The following TMEM245 variants were observed in gnomAD, a reference collection of about 807,000 sequenced individuals.
TMEM245 encodes the protein transmembrane protein 245.
TMEM245 carries 69 observed loss-of-function variants against 101.2 expected under a neutral mutation model. The observed-to-expected ratio is 0.68, with a 90% CI of 0.56 to 0.83. The LOEUF (loss-of-function observed/expected upper bound fraction) is 0.83, where lower values mean the gene tolerates loss of function less well. TMEM245 is among the 40% of genes least tolerant of loss of function. The pLI, the probability that TMEM245 is intolerant of heterozygous loss-of-function variation, is 0.00. For missense variants in TMEM245, 1,075 were observed against 1,092.8 expected (o/e 0.98, Z 0.23); for synonymous variants, 537 against 449.8 (o/e 1.19, Z -2.45).
chr9:109,027,354 T>C (rs757082360), intron 17 of TMEM245, among the ~76,000 whole-genome samples: 7 of 151,854 alleles, frequency 4.6e-5, no homozygotes, highest in Non-Finnish European at 8.8e-5. Flanking sequence ...TTTTCCCCTC[T>C]GGAGAAGGTA....
chr9:109,085,184 C>G (rs1829795840), intron 7 of TMEM245, among the ~76,000 whole-genome samples: 1 of 152,206 alleles, frequency 6.6e-6, no homozygotes, highest in South Asian at 2.1e-4. Context: ...TTGCTCACTA[C>G]AACCTTGAAT....
chr9:109,017,884 G>A lies in TMEM245; in HGVS notation c.*2576C>T, dbSNP rs796959036. On this transcript the variant is annotated 3_prime_UTR_variant, in exon 18 of 18. Coordinates refer to ENST00000374586, the MANE Select transcript of TMEM245 (RefSeq NM_032012.4). ...ATGCTGGAATGCTTCTTTCTGGCTC[G>A]GAGGGTTCCAAGACCTCCCCAGCTA... The A allele has an allele frequency of 2.0e-5, 3 of 152,064 alleles. No individual in the cohort carries two copies. Among genetic ancestry groups the A allele is most frequent in the Admixed American group, 6.5e-5 (1 of 15,272 alleles). 9.4% of individuals were successfully genotyped at this position (152,064 alleles called of 1,614,324 possible).
intron 14 of TMEM245, among the ~76,000 whole-genome samples, chr9:109,044,876 G>A (rs1054829950): frequency 6.7e-6 from 1 of 150,304 alleles, no homozygotes; most frequent in African/African-American, 2.5e-5. Context: ...TCTCCCACCT[G>A]AGCCTCCCGA....
chr9:109,099,089 G>A (rs1830216524), intron 3 of TMEM245, among the ~76,000 whole-genome samples: 1 of 152,190 alleles, frequency 6.6e-6, no homozygotes, highest in Admixed American at 6.5e-5. Flanking sequence ...CTTATTGGAA[G>A]CAGGCACCGC....
At chr9:109,063,547 C>G (rs1372941674) in intron 10 of TMEM245, among the ~76,000 whole-genome samples, 2 of 152,162 alleles carry the variant, frequency 1.3e-5, no homozygotes, top group Non-Finnish European at 2.9e-5. Flanking sequence ...TGCAACAAAT[C>G]CTGTCGATTC....
At chr9:109,083,916 A>AAAAAAAAAAAAACAAAAAAAAAAAC (rs1554725098) in intron 7 of TMEM245, among the ~76,000 whole-genome samples, 6 of 132,502 alleles carry the variant, frequency 4.5e-5, no homozygotes, top group Admixed American at 8.7e-5. Context: ...AAAAAAAAAA[A>AAAAAAAAAAAAACAAAAAAAAAAAC]AAAAAAAAAA....
At position 109,015,348 on chromosome 9, in the gene TMEM245, CAA is replaced by C. The variant is rs1827403782; in HGVS notation, c.*5110_*5111del. ...TGAGAACCCAGGGATGATACATTTT[CAA>C]AGAGTTATGTAAGCAATTACAACTC... On this transcript the variant is annotated 3_prime_UTR_variant, in exon 18 of 18. Transcript: ENST00000374586. 6.6e-6 allele frequency: 1 copy of C among 152,078 alleles called. No homozygotes were observed. Among genetic ancestry groups the C allele is most frequent in the Non-Finnish European group, 1.5e-5 (1 of 68,000 alleles). The allele number at this position is 152,078 out of a possible 1,614,324, so 9.4% of individuals were successfully genotyped here.
At chr9:109,091,656 T>C (rs756819579) in intron 4 of TMEM245, among the ~76,000 whole-genome samples, 4 of 152,148 alleles carry the variant, frequency 2.6e-5, no homozygotes, top group Non-Finnish European at 5.9e-5. Context: ...ACAGAATATA[T>C]AAACATGAAT....
At chr9:109,107,918 A>G (rs1442946491) in intron 2 of TMEM245, among the ~76,000 whole-genome samples, 1 of 152,188 alleles carries the variant, frequency 6.6e-6, no homozygotes, top group African/African-American at 2.4e-5. Flanking sequence ...CTCTGAAGCT[A>G]ACTCACAACT....
chr9:109,063,122 T>G (rs899013824), intron 10 of TMEM245, among the ~76,000 whole-genome samples: 1 of 150,980 alleles, frequency 6.6e-6, no homozygotes, highest in Non-Finnish European at 1.5e-5. Flanking sequence ...GCTCATCTAA[T>G]TTTTTTTTCT....
chr9:109,090,058 G>A (rs964280291), intron 5 of TMEM245, among the ~76,000 whole-genome samples: 2 of 151,636 alleles, frequency 1.3e-5, no homozygotes, highest in African/African-American at 2.4e-5. Context: ...GTAAGGATTC[G>A]AGACCAGCCT....
chr9:109,046,412 T>G (rs1260607188), intron 14 of TMEM245: 8 of 401,726 alleles, frequency 2.0e-5, no homozygotes, highest in Non-Finnish European at 4.3e-5. Context: ...TGCATGCCAC[T>G]GACTCAAAAC....
chr9:109,018,964 C>G lies in TMEM245; in HGVS notation c.*1496G>C, dbSNP rs1167449813. 7.9e-6 allele frequency: 1 copy of G among 126,616 alleles called. No individual in the cohort carries two copies. The highest frequency in any genetic ancestry group is 1.6e-5 in the Non-Finnish European group (1 of 64,366). The allele number at this position is 126,616 out of a possible 1,614,324, so 7.8% of individuals were successfully genotyped here. ...TTTGCCATGTTGCCTAGGCTGATCTCAAATCCCTGGGCTCAAGCAATCCAC... is the reference window on the plus strand; with the variant it reads ...TTTGCCATGTTGCCTAGGCTGATCTGAAATCCCTGGGCTCAAGCAATCCAC... On this transcript the variant is annotated 3_prime_UTR_variant, in exon 18 of 18. Coordinates refer to ENST00000374586, the MANE Select transcript of TMEM245 (RefSeq NM_032012.4).
At chr9:109,070,273 C>T (rs1829292716) in intron 9 of TMEM245, among the ~76,000 whole-genome samples, 1 of 152,218 alleles carries the variant, frequency 6.6e-6, no homozygotes, top group African/African-American at 2.4e-5. Flanking sequence ...ACATAGTCAA[C>T]AGCCTACTGG....
intron 8 of TMEM245, among the ~76,000 whole-genome samples, chr9:109,076,688 A>G (rs1204771984): frequency 6.6e-6 from 1 of 152,114 alleles, no homozygotes; most frequent in Non-Finnish European, 1.5e-5. Flanking sequence ...ATTCTGTGTC[A>G]GGAAATGCTT....
At chr9:109,045,963 T>C (rs1010217899) in intron 14 of TMEM245, among the ~76,000 whole-genome samples, 15 of 152,236 alleles carry the variant, frequency 9.9e-5, no homozygotes, top group African/African-American at 2.9e-4. Flanking sequence ...CTTAAATCAA[T>C]GAGAATTTGT....
chr9:109,038,030 GA>G lies in TMEM245; in HGVS notation c.2210del (p.Val737AlafsTer7). The G allele has an allele frequency of 4.3e-6, 7 of 1,611,188 alleles. No homozygotes were observed. The highest frequency in any genetic ancestry group is 5.9e-6 in the Non-Finnish European group (7 of 1,178,638). On this transcript the variant is annotated frameshift_variant, in exon 15 of 18. Coordinates refer to ENST00000374586, the MANE Select transcript of TMEM245 (RefSeq NM_032012.4). LOFTEE classifies it high-confidence loss of function. The part of the protein sequence containing the change: ...LTHTMFGINI[V>X]FIPSALAAIL... Reference sequence around the variant, plus strand: ...TATGGTTGTTACCTGATGGTATGAAGACAATATTGATGCCAAACATAGTATG... The same window carrying G: ...TATGGTTGTTACCTGATGGTATGAAGCAATATTGATGCCAAACATAGTATG...
At chr9:109,068,096 G>T (rs1176108986) in intron 9 of TMEM245, among the ~76,000 whole-genome samples, 4 of 152,060 alleles carry the variant, frequency 2.6e-5, no homozygotes, top group African/African-American at 9.7e-5. Flanking sequence ...GGCCGGACGC[G>T]GTCACTCAAG....
In TMEM245 at chr9:109,036,818, G is replaced by A. The variant is rs10979664; in HGVS notation, c.2225-438C>T. ...CTGAGTTGAAGGACCCTGCTTCAAG[G>A]TCATTCCCTTCCAGAGCAGTATGTT... On this transcript the variant is annotated intron_variant, in intron 15 of 17. Coordinates refer to ENST00000374586, the MANE Select transcript of TMEM245 (RefSeq NM_032012.4). Among the ~76,000 whole-genome samples the A allele has an allele frequency of 6.3e-3, 953 of 152,204 alleles. 16 individuals carry two copies. In the East Asian group the frequency reaches 0.093, roughly 15 times the overall value.
Sources: gnomAD v4.1 joint callset for allele counts (sites outside exome capture counted in the v4.1 genomes callset) on GRCh38, gnomAD v4.1.1 for gene constraint, MANE v1.5 for transcripts, NCBI Gene and HGNC (gene_info 2026-07-23, HGNC 2026-07-21) for gene names.